Variants in SLC9A9 observed in about 807,000 individuals in gnomAD.
SLC9A9 encodes sodium/hydrogen exchanger 9.
SLC9A9 carries 62 observed loss-of-function variants against 77.8 expected under a neutral mutation model. The observed-to-expected ratio is 0.80, with a 90% CI of 0.65 to 0.98. SLC9A9 has a LOEUF of 0.98. Ranked by LOEUF, SLC9A9 falls within the 50% of genes least tolerant of loss-of-function variation. The pLI is 0.00. For synonymous variants in SLC9A9, 320 were observed against 283.5 expected, an observed-to-expected ratio of 1.13 and a Z score of -1.29; for missense variants, 775 against 774.9, an observed-to-expected ratio of 1.00 and a Z score of 0.00.
At chr3:143,743,684 C>T (rs1295115465) in intron 4 of SLC9A9, among the ~76,000 whole-genome samples, 1 of 152,202 alleles carries the variant, frequency 6.6e-6, no homozygotes, top group Non-Finnish European at 1.5e-5. Flanking sequence ...ACATGCAAAT[C>T]TCCTCTGGAA....
chr3:143,544,403 A>G (rs2036747702), intron 9 of SLC9A9, among the ~76,000 whole-genome samples: 1 of 151,494 alleles, frequency 6.6e-6, no homozygotes, highest in Non-Finnish European at 1.5e-5. Context: ...ATTTTTTTGT[A>G]TTTTTAGTAG....
chr3:143,371,968 C>A (rs919776051), intron 13 of SLC9A9: 2 of 415,884 alleles, frequency 4.8e-6, no homozygotes, highest in East Asian at 8.1e-5. Context: ...CCTTTTACAA[C>A]AGCTTCAAAG....
chr3:143,356,527 A>T (rs889761761), intron 14 of SLC9A9, among the ~76,000 whole-genome samples: 1 of 152,166 alleles, frequency 6.6e-6, no homozygotes, highest in Non-Finnish European at 1.5e-5. Flanking sequence ...GTTTTCTCCC[A>T]GGATTTTTTA....
chr3:143,652,810 C>CACACACACACAAACACAT (rs113827008), intron 5 of SLC9A9, among the ~76,000 whole-genome samples: 1 of 148,160 alleles, frequency 6.7e-6, no homozygotes, highest in Non-Finnish European at 1.5e-5. Context: ...CACACACACA[C>CACACACACACAAACACAT]ACTTCTTGCT....
At chr3:143,275,180 A>C (rs1268940137) in intron 14 of SLC9A9, among the ~76,000 whole-genome samples, 1 of 152,222 alleles carries the variant, frequency 6.6e-6, no homozygotes, top group Admixed American at 6.5e-5. Flanking sequence ...TTATACTTTG[A>C]GCACATTAAA....
At chr3:143,686,448 G>T (rs1933267557) in intron 5 of SLC9A9, among the ~76,000 whole-genome samples, 1 of 152,090 alleles carries the variant, frequency 6.6e-6, no homozygotes, top group Admixed American at 6.6e-5. Flanking sequence ...GGGTGTCTGG[G>T]CAAGGGGGTG....
intron 14 of SLC9A9, among the ~76,000 whole-genome samples, chr3:143,334,773 A>G (rs2031874234): frequency 6.6e-6 from 1 of 152,212 alleles, no homozygotes; most frequent in African/African-American, 2.4e-5. Context: ...TAGCTAACTC[A>G]TAATGATAGC....
At position 143,706,338 on chromosome 3, in the gene SLC9A9, C is replaced by T. The variant is rs1933975598; in HGVS notation, c.534-13031G>A. On this transcript the variant is annotated intron_variant, in intron 4 of 15. Transcript: ENST00000316549. ...CTCTACTTGTGGATTTGCCTTAGGG[C>T]CCAGTATGGGCTATTCTTCCCTAAG... is the stretch of plus-strand genomic sequence containing the variant. 2.6e-5 allele frequency among the ~76,000 whole-genome samples: 4 copies of T among 152,142 alleles called. No homozygotes were observed. The South Asian group carries it at 6.2e-4, about 24-fold the overall frequency.
intron 13 of SLC9A9, among the ~76,000 whole-genome samples, chr3:143,379,921 T>G (rs897966257): frequency 3.9e-5 from 6 of 152,208 alleles, no homozygotes; most frequent in Admixed American, 3.9e-4. Context: ...TATAAAAATA[T>G]GTTACTATTA....
At chr3:143,611,630 G>A (rs374855150) in intron 6 of SLC9A9, among the ~76,000 whole-genome samples, 70 of 152,260 alleles carry the variant, frequency 4.6e-4, no homozygotes, top group Non-Finnish European at 6.8e-4. Flanking sequence ...ATTACAGCCT[G>A]GGAGCCTGAA....
intron 4 of SLC9A9, among the ~76,000 whole-genome samples, chr3:143,738,335 C>T (rs573569503): frequency 1.8e-4 from 27 of 152,214 alleles, no homozygotes; most frequent in African/African-American, 6.3e-4. Flanking sequence ...GTCATTAATT[C>T]CCTCACTCTC....
intron 14 of SLC9A9, 70 bp downstream of exon 14, chr3:143,363,414 A>T (rs1260760805): frequency 7.0e-7 from 1 of 1,421,190 alleles, no homozygotes; most frequent in Non-Finnish European, 9.9e-7. Context: ...TGCACACTTC[A>T]ATGATTAAGA....
intron 11 of SLC9A9, among the ~76,000 whole-genome samples, chr3:143,492,554 G>A (rs187874547): frequency 6.6e-6 from 1 of 152,234 alleles, no homozygotes; most frequent in Non-Finnish European, 1.5e-5. Context: ...TCAGAAATGT[G>A]GATTTTGAGA....
chr3:143,693,082 A>G (rs1365779969), intron 5 of SLC9A9, 110 bp downstream of exon 5: 1 of 812,000 alleles, frequency 1.2e-6, no homozygotes, highest in East Asian at 2.7e-5. Context: ...CTGCAGGTGA[A>G]GAAAAATAGA....
At chr3:143,435,429 A>G (rs1192527565) in intron 12 of SLC9A9, among the ~76,000 whole-genome samples, 9 of 152,208 alleles carry the variant, frequency 5.9e-5, no homozygotes, top group Non-Finnish European at 7.3e-5. Flanking sequence ...TTAAATACTT[A>G]AGAAAAGTAA....
At chr3:143,285,306 C>T (rs1938352766) in intron 14 of SLC9A9, among the ~76,000 whole-genome samples, 1 of 152,144 alleles carries the variant, frequency 6.6e-6, no homozygotes, top group African/African-American at 2.4e-5. Flanking sequence ...ATTAGAACTA[C>T]ACTATTAATG....
At chr3:143,640,019 C>CTTTTTTT (rs10575577) in intron 6 of SLC9A9, among the ~76,000 whole-genome samples, 4 of 124,144 alleles carry the variant, frequency 3.2e-5, no homozygotes, top group African/African-American at 6.2e-5. Context: ...CTTTTTTTTT[C>CTTTTTTT]TTTTTTTTTT....
intron 4 of SLC9A9, among the ~76,000 whole-genome samples, chr3:143,785,979 C>G (rs992219078): frequency 2.7e-5 from 4 of 150,788 alleles, no homozygotes; most frequent in Admixed American, 6.6e-5. Context: ...GCCTCAGCCT[C>G]CCATGTAGCT....
At chr3:143,485,836 G>A (rs974935977) in intron 11 of SLC9A9, among the ~76,000 whole-genome samples, 1 of 151,856 alleles carries the variant, frequency 6.6e-6, no homozygotes, top group African/African-American at 2.4e-5. Context: ...CTGTCTTAAA[G>A]ATGCTTGAAG....
Sources: gnomAD v4.1 joint callset for allele counts (sites outside exome capture counted in the v4.1 genomes callset) on GRCh38, gnomAD v4.1.1 for gene constraint, MANE v1.5 for transcripts, NCBI Gene and HGNC (gene_info 2026-07-23, HGNC 2026-07-21) for gene names.